UNC5D: variants seen among roughly 807,000 people sequenced by gnomAD.
UNC5D encodes the protein unc-5 netrin receptor D, also known as netrin receptor UNC5D.
UNC5D carries 39 observed loss-of-function variants against 105.4 expected under a neutral mutation model. The observed-to-expected ratio is 0.37, with a 90% CI of 0.29 to 0.48. The LOEUF is 0.48. Ranked by LOEUF, UNC5D falls within the 20% of genes least tolerant of loss-of-function variation. The probability of loss-of-function intolerance (pLI) is 0.98; values close to 1 mark genes in which losing one functional copy is unlikely to be tolerated. For missense variants in UNC5D, 991 were observed against 1,202.4 expected (o/e 0.82, Z 2.60); for synonymous variants, 452 against 450.4 (o/e 1.00, Z -0.04).
chr8:35,242,817 A>G (rs1802881907), intron 1 of UNC5D, among the ~76,000 whole-genome samples: 1 of 152,212 alleles, frequency 6.6e-6, no homozygotes, highest in Admixed American at 6.5e-5. Flanking sequence ...ATATTGGAGA[A>G]GATTTGCCTC....
rs150561818 is a variant in UNC5D, at chr8:35,788,700, G to GCACA, written c.2658-1641_2658-1638dup. ...TTGGGAAGGCAGAAAACACACACACGCACACACACACACACACACACGAAA... is the reference window on the plus strand; with the variant it reads ...TTGGGAAGGCAGAAAACACACACACGCACACACACACACACACACACACACGAAA... On this transcript the variant is annotated intron_variant, in intron 16 of 16. Transcript: ENST00000404895. 2.5e-3 allele frequency among the ~76,000 whole-genome samples: 372 copies of GCACA among 146,716 alleles called. 10 individuals carry two copies. The highest frequency in any genetic ancestry group is 0.023 in the Admixed American group (338 of 14,634).
At chr8:35,377,972 C>T (rs1802796804) in intron 1 of UNC5D, among the ~76,000 whole-genome samples, 3 of 152,092 alleles carry the variant, frequency 2.0e-5, no homozygotes, top group Non-Finnish European at 4.4e-5. Context: ...AGAACTTTTC[C>T]TGCTTTGTGC....
rs1246697438 is a variant in UNC5D, at chr8:35,760,772, C to T, written c.2313+1303C>T. On this transcript the variant is annotated intron_variant, in intron 14 of 16. Transcript: ENST00000404895. ...GTTTTGTAACCTTCCATCCTTGCAGCATTTTTTTTTTTTTTAACTATAGAC... is the reference window on the plus strand; with the variant it reads ...GTTTTGTAACCTTCCATCCTTGCAGTATTTTTTTTTTTTTTAACTATAGAC... Among the ~76,000 whole-genome samples the T allele has an allele frequency of 2.1e-5, 3 of 144,714 alleles. No homozygotes were observed. In the South Asian group the frequency reaches 6.4e-4, roughly 31 times the overall value. 94.9% of individuals were successfully genotyped at this position (144,714 alleles called of 152,430 possible).
At chr8:35,565,505 T>C (rs1418229659) in intron 2 of UNC5D, among the ~76,000 whole-genome samples, 1 of 152,226 alleles carries the variant, frequency 6.6e-6, no homozygotes, top group African/African-American at 2.4e-5. Flanking sequence ...ATGTATAGTT[T>C]GCAAATATTT....
chr8:35,744,267 T>C (rs956855798), intron 11 of UNC5D, among the ~76,000 whole-genome samples: 1 of 152,230 alleles, frequency 6.6e-6, no homozygotes, highest in African/African-American at 2.4e-5. Context: ...ATCCCATTCC[T>C]GGGAACGTTA....
At chr8:35,697,006 A>C (rs1826829619) in intron 7 of UNC5D, among the ~76,000 whole-genome samples, 1 of 152,118 alleles carries the variant, frequency 6.6e-6, no homozygotes, top group Admixed American at 6.6e-5. Flanking sequence ...CTAGTGTGTT[A>C]CCTTGGGCAA....
At chr8:35,285,066 G>A (rs767942947) in intron 1 of UNC5D, among the ~76,000 whole-genome samples, 8 of 152,084 alleles carry the variant, frequency 5.3e-5, no homozygotes, top group Admixed American at 6.6e-5. Context: ...TCACTACATA[G>A]CAACACTCAT....
chr8:35,424,566 T>TA (rs1170318609), intron 1 of UNC5D, among the ~76,000 whole-genome samples: 14 of 152,276 alleles, frequency 9.2e-5, no homozygotes. Context: ...TACAAAGCTT[T>TA]AAAAAACAAG....
Position 35,420,929 on chromosome 8 carries a change from C to T in UNC5D, c.104-128363C>T, listed in dbSNP as rs367751027. ...ATGATGTGTGATGACTTTGTTCTGG[C>T]ATTACCAGAGACTGACTTAAGTTAT... On this transcript the variant is annotated intron_variant, in intron 1 of 16. Coordinates refer to ENST00000404895, the MANE Select transcript of UNC5D (RefSeq NM_080872.4). 1.1e-4 allele frequency among the ~76,000 whole-genome samples: 16 copies of T among 152,248 alleles called. No homozygotes were observed. The South Asian group carries it at 3.3e-3, about 32-fold the overall frequency.
At chr8:35,346,661 T>A (rs1297777433) in intron 1 of UNC5D, among the ~76,000 whole-genome samples, 1 of 152,042 alleles carries the variant, frequency 6.6e-6, no homozygotes, top group Non-Finnish European at 1.5e-5. Flanking sequence ...AGCTATGTAA[T>A]ATTTGGTATA....
Position 35,790,447 on chromosome 8 carries a change from G to T in UNC5D, c.2746G>T (p.Asp916Tyr). 1 of 1,613,946 alleles carries T rather than the reference G, an allele frequency of 6.2e-7. No homozygotes were observed. Among genetic ancestry groups the T allele is most frequent in the Admixed American group, 1.7e-5 (1 of 59,988 alleles). The change falls in exon 17 of 17, where the codon GAC becomes TAC. Residue 916 changes from aspartate to tyrosine, a missense_variant. Asp to Tyr is a radical substitution (Grantham distance 160, BLOSUM62 -3). Transcript: ENST00000404895. ...TCGTCATCAGCATGATGGTGATCTT[G>T]ACTCCCTGGCCTGTGCCCTTGAAGA... Reference protein sequence around the residue: ...EARHQHDGDLDSLACALEEIG... With the variant: ...EARHQHDGDLYSLACALEEIG...
At chr8:35,335,193 G>C (rs376004687) in intron 1 of UNC5D, among the ~76,000 whole-genome samples, 35 of 152,244 alleles carry the variant, frequency 2.3e-4, no homozygotes, top group African/African-American at 7.9e-4. Context: ...ATTGATGGGC[G>C]CTGGGATTGT....
chr8:35,552,102 G>GGTATATATTCCA (rs1816199032), intron 2 of UNC5D, among the ~76,000 whole-genome samples: 2 of 152,160 alleles, frequency 1.3e-5, no homozygotes, highest in Admixed American at 1.3e-4. Context: ...ATTGGAATTA[G>GGTATATATTCCA]TAGGAGGAAG....
At position 35,750,605 on chromosome 8, in the gene UNC5D, A is replaced by C. The variant is rs1161701221; in HGVS notation, c.1959A>C (p.Glu653Asp). 1.2e-6 allele frequency: 2 copies of C among 1,614,174 alleles called. No homozygotes were observed. The highest frequency in any genetic ancestry group is 2.2e-5 in the East Asian group (1 of 44,860). Reference protein sequence around the residue: ...KWEEVMSVEDESTSCYCLLDP... With the variant: ...KWEEVMSVEDDSTSCYCLLDP... ...AGGAAGTGATGTCAGTGGAAGATGA[A>C]TCTACATCCTGTTACTGCCTTTTGG... Residue 653 changes from glutamate (E) to aspartate (D), a missense_variant, in exon 13 of 17, where the codon GAA becomes GAC. Around this residue, in one of 3 missense-constraint regions of UNC5D, gnomAD observed 944 missense variants for 1,131.6 expected, o/e 0.83. Transcript: ENST00000404895.
At chr8:35,486,717 C>T (rs1219070865) in intron 1 of UNC5D, among the ~76,000 whole-genome samples, 1 of 152,140 alleles carries the variant, frequency 6.6e-6, no homozygotes, top group East Asian at 1.9e-4. Context: ...GTACATGCTT[C>T]CCATGGATTA....
At chr8:35,711,034 G>T (rs1456055958) in intron 8 of UNC5D, among the ~76,000 whole-genome samples, 1 of 127,250 alleles carries the variant, frequency 7.9e-6, no homozygotes, top group South Asian at 2.5e-4. Flanking sequence ...TGCCTCCCGG[G>T]TTCACGCCAT....
chr8:35,555,872 ACAGC>A, intron 2 of UNC5D, among the ~76,000 whole-genome samples: 2 of 131,666 alleles, frequency 1.5e-5, no homozygotes, highest in Admixed American at 1.7e-4. Flanking sequence ...CTATAAAAAA[ACAGC>A]ACACACACAC....
At chr8:35,261,018 T>G (rs781427921) in intron 1 of UNC5D, among the ~76,000 whole-genome samples, 22 of 152,268 alleles carry the variant, frequency 1.4e-4, no homozygotes, top group Middle Eastern at 3.4e-3. Flanking sequence ...TCCCTTTCTG[T>G]CTATTTTTTT....
rs1825813095 is a variant in UNC5D at position 35,683,579 on chromosome 8, C to G, written c.603C>G (p.Asp201Glu). ...VEWLKNEEPI[D>E]SEQDENIDTR... ...GGCTGAAAAATGAAGAGCCCATTGA[C>G]TCTGAACAAGACGAGAACATTGACA... Residue 201 changes from aspartate to glutamate, a missense_variant, in exon 5 of 17, where the codon GAC becomes GAG. Coordinates refer to ENST00000404895, the MANE Select transcript of UNC5D (RefSeq NM_080872.4). 1 of 1,573,144 alleles carries G rather than the reference C, an allele frequency of 6.4e-7. No individual in the cohort carries two copies. Among genetic ancestry groups the G allele is most frequent in the Non-Finnish European group, 8.6e-7 (1 of 1,165,370 alleles).
Sources: allele counts gnomAD v4.1 joint callset (sites outside exome capture counted in the v4.1 genomes callset), GRCh38; gene constraint gnomAD v4.1.1; regional missense constraint gnomAD v4.1.1; transcripts MANE v1.5; gene names NCBI Gene and HGNC (gene_info 2026-07-23, HGNC 2026-07-21).